The following RUFY2 variants were observed in gnomAD, a reference collection of about 807,000 sequenced individuals.
RUFY2 encodes the protein RUN and FYVE domain containing 2.
In RUFY2, 49 loss-of-function variants were observed where a neutral mutation model predicts 94.4. The observed-to-expected ratio is 0.52, with a 90% CI of 0.41 to 0.66. The LOEUF (loss-of-function observed/expected upper bound fraction) is 0.66. RUFY2 is among the 30% of genes least tolerant of loss of function. The pLI is 0.00. For missense variants in RUFY2, 541 were observed against 692.8 expected (o/e 0.78, Z 2.46); for synonymous variants, 255 against 235.7 (o/e 1.08, Z -0.75).
chr10:68,373,506 C>T (rs916585789), intron 13 of RUFY2, among the ~76,000 whole-genome samples: 1 of 152,112 alleles, frequency 6.6e-6, no homozygotes, highest in Non-Finnish European at 1.5e-5. Flanking sequence ...ATGGCTCATG[C>T]CTATAATCCA....
chr10:68,347,950 A>C (rs2046395605), intron 16 of RUFY2, among the ~76,000 whole-genome samples: 1 of 152,102 alleles, frequency 6.6e-6, no homozygotes, highest in South Asian at 2.1e-4. Context: ...TTCTTTGAAG[A>C]AAAAAAAGAC....
chr10:68,365,980 A>C (rs541747790), intron 13 of RUFY2, among the ~76,000 whole-genome samples: 7 of 152,288 alleles, frequency 4.6e-5, no homozygotes, highest in South Asian at 4.1e-4. Context: ...AAGTTATATA[A>C]ATATATTGTA....
At chr10:68,393,875 T>C in intron 6 of RUFY2, 200 bp downstream of exon 6, 1 of 1,203,650 alleles carries the variant, frequency 8.3e-7, no homozygotes, top group Non-Finnish European at 1.1e-6. Flanking sequence ...CACTTCATAC[T>C]ATTAATAAAA....
chr10:68,355,319 A>T, intron 16 of RUFY2, 34 bp downstream of exon 16: 18 of 1,532,790 alleles, frequency 1.2e-5, no homozygotes, highest in Non-Finnish European at 1.6e-5. Context: ...AGACTTTCAC[A>T]TACCTTCCCA....
At chr10:68,347,135 A>AG (rs1005123111) in intron 16 of RUFY2, among the ~76,000 whole-genome samples, 23 of 151,796 alleles carry the variant, frequency 1.5e-4, no homozygotes, top group African/African-American at 5.1e-4. Context: ...CAAGAAAAAG[A>AG]GGGGAAAAAA....
intron 15 of RUFY2, among the ~76,000 whole-genome samples, chr10:68,355,972 T>C (rs1214766209): frequency 1.3e-5 from 2 of 151,738 alleles, no homozygotes; most frequent in Non-Finnish European, 2.9e-5. Flanking sequence ...CATGACAATA[T>C]TTATAGCTAT....
Position 68,344,727 on chromosome 10 carries a change from A to G in RUFY2, c.*1041T>C, listed in dbSNP as rs1490049310. On this transcript the variant is annotated 3_prime_UTR_variant, in exon 18 of 18. Transcript: ENST00000602465. ...GTCAAGTGTATATTTCATCATCTCA[A>G]CACCCTTGGCATAGAGGTGCTCAAT... 2.0e-5 allele frequency: 3 copies of G among 152,222 alleles called. No individual in the cohort carries two copies. Among genetic ancestry groups the G allele is most frequent in the African/African-American group, 7.2e-5 (3 of 41,434 alleles). 9.4% of individuals were successfully genotyped at this position (152,222 alleles called of 1,614,324 possible).
At chr10:68,362,236 G>C (rs2047505680) in intron 15 of RUFY2, among the ~76,000 whole-genome samples, 2 of 152,250 alleles carry the variant, frequency 1.3e-5, no homozygotes, top group South Asian at 4.1e-4. Context: ...CTTGAGGTGA[G>C]AGAATAGCGT....
chr10:68,360,755 G>A (rs968936062), intron 15 of RUFY2, among the ~76,000 whole-genome samples: 6 of 150,656 alleles, frequency 4.0e-5, no homozygotes, highest in Admixed American at 2.0e-4. Flanking sequence ...CTCAAAAAAC[G>A]ATAATAATAA....
intron 13 of RUFY2, 32 bp downstream of exon 13, chr10:68,376,821 C>CAAGTATTTGTTA: frequency 6.3e-7 from 1 of 1,597,710 alleles, no homozygotes; most frequent in Non-Finnish European, 8.6e-7. Flanking sequence ...TATGTTAACA[C>CAAGTATTTGTTA]AAGTATTTGT....
intron 15 of RUFY2, among the ~76,000 whole-genome samples, chr10:68,359,921 C>T (rs1018945771): frequency 3.9e-5 from 6 of 151,910 alleles, no homozygotes; most frequent in Non-Finnish European, 7.4e-5. Context: ...TATGTATACA[C>T]GTATACATAT....
intron 1 of RUFY2, chr10:68,406,887 C>A (rs374034161): frequency 3.1e-6 from 5 of 1,593,424 alleles, no homozygotes; most frequent in Non-Finnish European, 4.3e-6. Context: ...TGCTCCCCGA[C>A]CCGGGAGTGA....
chr10:68,376,859 T>C lies in RUFY2; in HGVS notation c.1319A>G (p.Lys440Arg), dbSNP rs199882460. ...SLQKQISQKE[K>R]QLVQLETDLK... ...CTGAGAGTGAAATACTCACAGCTGT[T>C]TCTCCTTTTGGGAGATTTGTTTCTG... The change falls in exon 13 of 18, where the codon AAA becomes AGA. Residue 440 changes from lysine to arginine, a missense_variant. By Grantham distance (26) the Lys-to-Arg change is conservative. Around this residue, in one of 3 missense-constraint regions of RUFY2, gnomAD observed 403 missense variants for 480.7 expected, o/e 0.84. Transcript: ENST00000602465. 144 of 1,613,646 alleles carry C rather than the reference T, an allele frequency of 8.9e-5. No individual in the cohort carries two copies. In the African/African-American group the frequency reaches 1.7e-3, roughly 19 times the overall value.
At chr10:68,396,371 A>C (rs2050395994) in intron 4 of RUFY2, among the ~76,000 whole-genome samples, 1 of 152,190 alleles carries the variant, frequency 6.6e-6, no homozygotes, top group Admixed American at 6.5e-5. Context: ...TTCTAAAAAA[A>C]AAAACAAAAA....
chr10:68,372,627 C>T (rs1342220502), intron 13 of RUFY2, among the ~76,000 whole-genome samples: 6 of 149,082 alleles, frequency 4.0e-5, no homozygotes, highest in South Asian at 2.1e-4. Flanking sequence ...CAGTGGCTCA[C>T]GGCTGTAATC....
At chr10:68,349,487 C>T (rs559057741) in intron 16 of RUFY2, among the ~76,000 whole-genome samples, 136 of 152,116 alleles carry the variant, frequency 8.9e-4, no homozygotes, top group African/African-American at 3.1e-3. Context: ...AGTCACTACA[C>T]CCTGGCCTGG....
At chr10:68,384,203 T>G (rs1292276280) in intron 8 of RUFY2, 51 bp from the exon 9 acceptor site, 1 of 1,543,994 alleles carries the variant, frequency 6.5e-7, no homozygotes, top group Admixed American at 2.1e-5. Context: ...CCCTTATACT[T>G]GCTTTGCAGG....
At chr10:68,361,717 A>C (rs1433677361) in intron 15 of RUFY2, among the ~76,000 whole-genome samples, 2 of 152,234 alleles carry the variant, frequency 1.3e-5, no homozygotes, top group Non-Finnish European at 1.5e-5. Context: ...TGGTTGCATT[A>C]TCTCTTAATG....
At chr10:68,404,045 T>A (rs1216428473) in intron 2 of RUFY2, among the ~76,000 whole-genome samples, 1 of 152,218 alleles carries the variant, frequency 6.6e-6, no homozygotes, top group Non-Finnish European at 1.5e-5. Context: ...TCTACATAGA[T>A]ACTCATCGTA....
Sources: allele counts gnomAD v4.1 joint callset (sites outside exome capture counted in the v4.1 genomes callset), GRCh38; gene constraint gnomAD v4.1.1; regional missense constraint gnomAD v4.1.1; transcripts MANE v1.5; gene names NCBI Gene and HGNC (gene_info 2026-07-23, HGNC 2026-07-21).